Variants in SPATA13 observed in about 807,000 individuals in gnomAD.
SPATA13 encodes the protein spermatogenesis associated 13.
In SPATA13, 50 loss-of-function variants were observed where a neutral mutation model predicts 104.0. That is an observed-to-expected ratio of 0.48 (90% CI 0.38 to 0.61). SPATA13 has a LOEUF of 0.61. Among genes scored for constraint, SPATA13 ranks in the 20% least tolerant of loss-of-function variants. The pLI, the probability that SPATA13 is intolerant of heterozygous loss-of-function variation, is 0.00. For synonymous variants in SPATA13, 606 were observed against 667.5 expected, an observed-to-expected ratio of 0.91 and a Z score of 1.42; for missense variants, 1,524 against 1,690.6, an observed-to-expected ratio of 0.90 and a Z score of 1.73.
rs770632094 is a variant in SPATA13 at position 24,303,215 on chromosome 13, G to A, written c.*442G>A. On this transcript the variant is annotated 3_prime_UTR_variant, in exon 13 of 13. Coordinates refer to ENST00000382108, the MANE Select transcript of SPATA13 (RefSeq NM_001166271.3). ...TTTTCAAGGATGCCGTCAAGACGGG[G>A]TTGACACAATGCTGCACGTGTCTGG... 3.8e-5 allele frequency: 16 copies of A among 422,810 alleles called. No homozygotes were observed. The highest frequency in any genetic ancestry group is 2.7e-4 in the South Asian group (16 of 58,308). The allele number at this position is 422,810 out of a possible 1,614,324, so 26.2% of individuals were successfully genotyped here. A position where few individuals can be genotyped will look rare whatever the true frequency, so the allele number is the denominator to read the frequency against.
rs979142397 is a variant in SPATA13 at position 24,064,494 on chromosome 13, C to T, written c.-112+46793C>T. ...GGTCATTGGGTCATGAGGGTAGGGC[C>T]CTCATGAATGGGATTTGTGTTTTTA... On this transcript the variant is annotated intron_variant, in intron 3 of 14. Coordinates refer to the SPATA13 transcript ENST00000424834. Among the ~76,000 whole-genome samples, 20 of 151,920 alleles carry T rather than the reference C, an allele frequency of 1.3e-4. 1 individual carries two copies.
intron 1 of SPATA13, among the ~76,000 whole-genome samples, chr13:24,189,469 ATCTC>A (rs201091898): frequency 0.034 from 3,059 of 90,106 alleles, 130 homozygotes; most frequent in African/African-American, 0.089. Context: ...GCGAGACTCC[ATCTC>A]TCTCTCTCTC....
At chr13:24,202,420 C>G (rs1051055895) in intron 1 of SPATA13, among the ~76,000 whole-genome samples, 2 of 151,976 alleles carry the variant, frequency 1.3e-5, no homozygotes, top group African/African-American at 4.8e-5. Context: ...AGGGAACGGC[C>G]CGTTCCTGAG....
At chr13:24,152,432 CTCTGTCTGACACCCA>C (rs939036002) in intron 3 of SPATA13, among the ~76,000 whole-genome samples, 7 of 152,240 alleles carry the variant, frequency 4.6e-5, no homozygotes, top group African/African-American at 1.7e-4. Flanking sequence ...TACTTCACAG[CTCTGTCTGACACCCA>C]TCCTGTCACA....
chr13:24,294,188 G>A (rs938056637), intron 9 of SPATA13, among the ~76,000 whole-genome samples: 2 of 152,134 alleles, frequency 1.3e-5, no homozygotes, highest in African/African-American at 2.4e-5. Context: ...TGTGGTGGAC[G>A]GAAAGCACCA....
intron 3 of SPATA13, among the ~76,000 whole-genome samples, chr13:24,045,550 G>T (rs555393290): frequency 6.6e-6 from 1 of 152,280 alleles, no homozygotes; most frequent in Admixed American, 6.5e-5. Context: ...TAGAGTAAAT[G>T]TTGTTATGGA....
chr13:24,272,454 A>G (rs1428776142), intron 4 of SPATA13, among the ~76,000 whole-genome samples: 1 of 152,196 alleles, frequency 6.6e-6, no homozygotes, highest in Non-Finnish European at 1.5e-5. Context: ...TAAAATGACA[A>G]CAAGCACCAT....
chr13:24,132,805 T>C (rs750358619), intron 3 of SPATA13, among the ~76,000 whole-genome samples: 11 of 151,960 alleles, frequency 7.2e-5, no homozygotes, highest in Non-Finnish European at 1.5e-4. Context: ...GAAACCCCAT[T>C]TCTACTAAAA....
At chr13:24,115,870 C>T (rs768036763) in intron 3 of SPATA13, among the ~76,000 whole-genome samples, 4 of 152,230 alleles carry the variant, frequency 2.6e-5, no homozygotes, top group African/African-American at 4.8e-5. Flanking sequence ...CAGGCAGCCT[C>T]AGCTCCTCAC....
chr13:24,283,542 A>G (rs1316512827), intron 4 of SPATA13, among the ~76,000 whole-genome samples: 2 of 152,234 alleles, frequency 1.3e-5, no homozygotes, highest in Non-Finnish European at 2.9e-5. Context: ...AGGGTGGCCA[A>G]TCTAAAAAGC....
chr13:24,114,716 G>A (rs1303313380), intron 3 of SPATA13, among the ~76,000 whole-genome samples: 1 of 152,082 alleles, frequency 6.6e-6, no homozygotes. Context: ...AGGCTGGAGT[G>A]CAATGGCACG....
Position 24,223,979 on chromosome 13 carries a change from A to T in SPATA13, c.1050A>T (p.Arg350Ser). 6.5e-7 allele frequency: 1 copy of T among 1,548,870 alleles called. No individual in the cohort carries two copies. The highest frequency in any genetic ancestry group is 8.7e-7 in the Non-Finnish European group (1 of 1,145,354). ...CATCCCCTGGAGAGGCCAGCCTGAG[A>T]CTTCAGGCACACAGCCGGCTGCATG... ...GAPSPGEASL[R>S]LQAHSRLHDD... The change falls in exon 2 of 13, where the codon AGA becomes AGT. Residue 350 changes from arginine to serine, a missense_variant. Coordinates refer to ENST00000382108, the MANE Select transcript of SPATA13 (RefSeq NM_001166271.3).
chr13:24,066,023 A>G (rs1878950002), intron 3 of SPATA13, among the ~76,000 whole-genome samples: 1 of 152,252 alleles, frequency 6.6e-6, no homozygotes. Context: ...CGCCTGAAGC[A>G]TTTGCCTAAT....
In SPATA13 at chr13:24,303,232, C is replaced by T. The variant is rs761225717; in HGVS notation, c.*459C>T. 4.6e-6 allele frequency: 2 copies of T among 430,536 alleles called. No individual in the cohort carries two copies. The highest frequency in any genetic ancestry group is 1.7e-5 in the South Asian group (1 of 59,672). The allele number at this position is 430,536 out of a possible 1,614,324, so 26.7% of individuals were successfully genotyped here. A position where few individuals can be genotyped will look rare whatever the true frequency, so the allele number is the denominator to read the frequency against. On this transcript the variant is annotated 3_prime_UTR_variant, in exon 13 of 13. Coordinates refer to ENST00000382108, the MANE Select transcript of SPATA13 (RefSeq NM_001166271.3). ...AAGACGGGGTTGACACAATGCTGCACGTGTCTGGTCACACTTAGAAATTGA... is the reference window on the plus strand; with the variant it reads ...AAGACGGGGTTGACACAATGCTGCATGTGTCTGGTCACACTTAGAAATTGA...
intron 1 of SPATA13, among the ~76,000 whole-genome samples, chr13:24,164,013 A>G (rs1203079421): frequency 6.6e-6 from 1 of 152,274 alleles, no homozygotes; most frequent in Non-Finnish European, 1.5e-5. Context: ...TCACAGTGGT[A>G]TAAATTCAAA....
intron 1 of SPATA13, among the ~76,000 whole-genome samples, chr13:24,171,157 A>G (rs1226597775): frequency 6.6e-6 from 1 of 152,120 alleles, no homozygotes; most frequent in Non-Finnish European, 1.5e-5. Context: ...GACGTTCAAC[A>G]GCCGCTGACT....
chr13:24,047,707 G>A (rs1422832733), intron 3 of SPATA13, among the ~76,000 whole-genome samples: 4 of 152,136 alleles, frequency 2.6e-5, no homozygotes, highest in Non-Finnish European at 4.4e-5. Context: ...TCTTTTTCAT[G>A]TTGGCTTTTT....
Position 24,286,470 on chromosome 13 carries a change from T to G in SPATA13, c.2481+77T>G. 2 of 1,434,726 alleles carry G rather than the reference T, an allele frequency of 1.4e-6. No individual in the cohort carries two copies. Among genetic ancestry groups the G allele is most frequent in the Non-Finnish European group, 1.9e-6 (2 of 1,061,354 alleles). The allele number at this position is 1,434,726 out of a possible 1,614,324, so 88.9% of individuals were successfully genotyped here. On this transcript the variant is annotated intron_variant, in intron 6 of 12. Transcript: ENST00000382108. This position sits in a 1 kb window ranked among gnomAD's most constrained non-coding sequence, Gnocchi z 4.9. Reference sequence around the variant, plus strand: ...ATCCTTTCAGGTCAGAACTCGCCTTTTATCAGGTCAGCTCTTTTGTAATTG... The same window carrying G: ...ATCCTTTCAGGTCAGAACTCGCCTTGTATCAGGTCAGCTCTTTTGTAATTG...
At position 24,132,440 on chromosome 13, in the gene SPATA13, C is replaced by T. The variant is rs549850274; in HGVS notation, c.-111-90379C>T. ...AGAGGCCAGAGTTTCAGTCCTGGCT[C>T]TGTCCTGGCTGTCCTTATTTATGAG... On this transcript the variant is annotated intron_variant, in intron 3 of 14. Transcript: ENST00000424834. Among the ~76,000 whole-genome samples, 4 of 152,368 alleles carry T rather than the reference C, an allele frequency of 2.6e-5. No individual in the cohort carries two copies. The South Asian group carries it at 8.3e-4, about 32-fold the overall frequency.
Sources: gnomAD v4.1 joint callset for allele counts (sites outside exome capture counted in the v4.1 genomes callset) on GRCh38, gnomAD v4.1.1 for gene constraint, Gnocchi (gnomAD v3.1) non-coding constraint, MANE v1.5 for transcripts, NCBI Gene and HGNC (gene_info 2026-07-23, HGNC 2026-07-21) for gene names.